The following MACC1 variants were observed in gnomAD, a reference collection of about 807,000 sequenced individuals.
MACC1 encodes MET transcriptional regulator MACC1.
In MACC1, 79 loss-of-function variants were observed where a neutral mutation model predicts 70.7. The observed-to-expected ratio is 1.12, with a 90% CI of 0.93 to 1.35. MACC1 has a LOEUF of 1.35. MACC1 is among the 40% of genes most tolerant of loss of function. MACC1 has a pLI of 0.00. For missense variants in MACC1, 1,106 were observed against 978.1 expected, an observed-to-expected ratio of 1.13 and a Z score of -1.74; for synonymous variants, 361 against 347.2, an observed-to-expected ratio of 1.04 and a Z score of -0.44.
intron 6 of MACC1, among the ~76,000 whole-genome samples, chr7:20,153,785 G>A (rs1046096308): frequency 1.3e-5 from 2 of 152,126 alleles, no homozygotes; most frequent in South Asian, 4.1e-4. Flanking sequence ...GTTATCGCAA[G>A]TGACTAAGTT....
intron 2 of MACC1, among the ~76,000 whole-genome samples, chr7:20,166,146 C>G (rs1401755912): frequency 2.6e-5 from 4 of 152,102 alleles, no homozygotes; most frequent in Non-Finnish European, 5.9e-5. Flanking sequence ...TCAGTTAGTG[C>G]TTGAATACCT....
At chr7:20,164,907 G>A (rs1180025687) in intron 2 of MACC1, among the ~76,000 whole-genome samples, 2 of 144,642 alleles carry the variant, frequency 1.4e-5, no homozygotes, top group African/African-American at 5.1e-5. Context: ...TTTTTTTTAT[G>A]AGGAAAGAGC....
At chr7:20,166,443 A>C (rs1782220424) in intron 2 of MACC1, among the ~76,000 whole-genome samples, 1 of 152,226 alleles carries the variant, frequency 6.6e-6, no homozygotes, top group African/African-American at 2.4e-5. Context: ...GAGTGGCCTT[A>C]CTGGATCTTA....
chr7:20,176,729 A>T (rs771434663), intron 1 of MACC1, among the ~76,000 whole-genome samples: 3 of 152,166 alleles, frequency 2.0e-5, no homozygotes, highest in Admixed American at 6.5e-5. Context: ...CCATACCGTG[A>T]AATATTACTC....
intron 1 of MACC1, among the ~76,000 whole-genome samples, chr7:20,201,197 G>A (rs1036325297): frequency 2.0e-5 from 3 of 152,130 alleles, no homozygotes; most frequent in Admixed American, 1.3e-4. Flanking sequence ...GAAGCAGCAG[G>A]ATCATGCAAT....
chr7:20,167,806 G>T (rs1443051172), intron 2 of MACC1, among the ~76,000 whole-genome samples: 1 of 152,130 alleles, frequency 6.6e-6, no homozygotes, highest in South Asian at 2.1e-4. Context: ...CAATAACACA[G>T]AGCCCCACTC....
At chr7:20,196,633 G>A (rs968690055) in intron 1 of MACC1, among the ~76,000 whole-genome samples, 1 of 151,978 alleles carries the variant, frequency 6.6e-6, no homozygotes, top group African/African-American at 2.4e-5. Flanking sequence ...ATGCATGCAT[G>A]TGTGTATGTG....
At chr7:20,210,405 C>T (rs760215564) in intron 1 of MACC1, among the ~76,000 whole-genome samples, 82 of 152,120 alleles carry the variant, frequency 5.4e-4, no homozygotes, top group Non-Finnish European at 1.5e-4. Context: ...TTGTATTATA[C>T]GTTTTATGTA....
rs1781728950 is a variant in MACC1, at chr7:20,137,093, T to A, written c.*3853A>T. On this transcript the variant is annotated 3_prime_UTR_variant, in exon 7 of 7. Transcript: ENST00000400331. ...TTCATTATTCTCTTTTTCTTTTATA[T>A]TACCTCAAAAATTCCTTAGATATAA... 6.6e-6 allele frequency: 1 copy of A among 151,984 alleles called. No homozygotes were observed. The highest frequency in any genetic ancestry group is 1.9e-4 in the East Asian group (1 of 5,196). 9.4% of individuals were successfully genotyped at this position (151,984 alleles called of 1,614,324 possible). A position where few individuals can be genotyped will look rare whatever the true frequency, so the allele number is the denominator to read the frequency against.
rs956738481 is a variant in MACC1 at position 20,134,748 on chromosome 7, G to A, written c.*6198C>T. Reference sequence around the variant, plus strand: ...AGTTTAAGTGAGCATATAAACATTAGGGACATTTAAAATCTACTTCCAGTC... The same window carrying A: ...AGTTTAAGTGAGCATATAAACATTAAGGACATTTAAAATCTACTTCCAGTC... On this transcript the variant is annotated 3_prime_UTR_variant, in exon 7 of 7. Transcript: ENST00000400331. 1.3e-5 allele frequency: 2 copies of A among 152,114 alleles called. No individual in the cohort carries two copies. The highest frequency in any genetic ancestry group is 4.8e-5 in the African/African-American group (2 of 41,410). The allele number at this position is 152,114 out of a possible 1,614,324, so 9.4% of individuals were successfully genotyped here. A position where few individuals can be genotyped will look rare whatever the true frequency, so the allele number is the denominator to read the frequency against.
chr7:20,183,779 C>T (rs571894516), intron 1 of MACC1, among the ~76,000 whole-genome samples: 70 of 150,238 alleles, frequency 4.7e-4, no homozygotes, highest in African/African-American at 1.7e-3. Context: ...CATGATCTCA[C>T]CTCACTGCAG....
intron 1 of MACC1, among the ~76,000 whole-genome samples, chr7:20,183,472 C>A (rs1310754007): frequency 6.6e-6 from 1 of 152,216 alleles, no homozygotes; most frequent in Non-Finnish European, 1.5e-5. Flanking sequence ...GGCCAAGCTT[C>A]ATTGTACCAG....
intron 1 of MACC1, among the ~76,000 whole-genome samples, chr7:20,178,671 C>T (rs776689124): frequency 2.0e-5 from 3 of 152,226 alleles, no homozygotes; most frequent in Non-Finnish European, 4.4e-5. Context: ...GCGATCTCGG[C>T]TCACCGCAAC....
intron 6 of MACC1, among the ~76,000 whole-genome samples, chr7:20,143,308 G>C (rs988509266): frequency 9.2e-5 from 14 of 152,214 alleles, no homozygotes; most frequent in African/African-American, 3.4e-4. Flanking sequence ...GGAAAGGTCC[G>C]ACGACACATC....
intron 5 of MACC1, among the ~76,000 whole-genome samples, chr7:20,157,124 C>A (rs1312387409): frequency 6.6e-6 from 1 of 152,154 alleles, no homozygotes; most frequent in African/African-American, 2.4e-5. Context: ...GACTTGGTTT[C>A]TTCGACCTAT....
At chr7:20,194,763 A>G (rs945461170) in intron 1 of MACC1, among the ~76,000 whole-genome samples, 1 of 152,192 alleles carries the variant, frequency 6.6e-6, no homozygotes, top group Non-Finnish European at 1.5e-5. Flanking sequence ...CTCAATACTA[A>G]AAGAGGATAT....
intron 1 of MACC1, among the ~76,000 whole-genome samples, chr7:20,173,367 C>A (rs1782341150): frequency 6.6e-6 from 1 of 152,174 alleles, no homozygotes; most frequent in South Asian, 2.1e-4. Context: ...TTACAGCTCT[C>A]TTTCTTGGGG....
chr7:20,158,240 C>G lies in MACC1; in HGVS notation c.2121G>C (p.Glu707Asp). 6.3e-7 allele frequency: 1 copy of G among 1,595,796 alleles called. No homozygotes were observed. The highest frequency in any genetic ancestry group is 8.5e-7 in the Non-Finnish European group (1 of 1,174,836). Residue 707 changes from glutamate (E) to aspartate (D), a missense_variant, in exon 5 of 7, where the codon GAG becomes GAC. Transcript: ENST00000400331. ...CATACAGAAACTTCCTTGTATTTCTCTCTGTGTGGCAATCTTCCTTTAACT... is the reference window on the plus strand; with the variant it reads ...CATACAGAAACTTCCTTGTATTTCTGTCTGTGTGGCAATCTTCCTTTAACT... ...IKKLKEDCHT[E>D]RNTRKFLYEL...
rs535703374 is a variant in MACC1, at chr7:20,138,152, C to CAAAAAAAAA, written c.*2785_*2793dup. 1 of 67,868 alleles carries CAAAAAAAAA rather than the reference C, an allele frequency of 1.5e-5. No individual in the cohort carries two copies. The highest frequency in any genetic ancestry group is 3.0e-5 in the Non-Finnish European group (1 of 33,488). 4.2% of individuals were successfully genotyped at this position (67,868 alleles called of 1,614,324 possible). A position where few individuals can be genotyped will look rare whatever the true frequency, so the allele number is the denominator to read the frequency against. The stretch of plus-strand genomic sequence containing the variant: ...TGGGCAACAGAGCCAGACTCTGGCT[C>CAAAAAAAAA]AAAAAAAAAAAAAAAAAAAAAAAAA... On this transcript the variant is annotated 3_prime_UTR_variant, in exon 7 of 7. Coordinates refer to ENST00000400331, the MANE Select transcript of MACC1 (RefSeq NM_182762.4).
Sources: gnomAD v4.1 joint callset for allele counts (sites outside exome capture counted in the v4.1 genomes callset) on GRCh38, gnomAD v4.1.1 for gene constraint, MANE v1.5 for transcripts, NCBI Gene and HGNC (gene_info 2026-07-23, HGNC 2026-07-21) for gene names.